The following UST variants were observed in gnomAD, a reference collection of about 807,000 sequenced individuals.
UST encodes the protein uronyl 2-sulfotransferase, also known as chondroitin sulfate 2-O-sulfotransferase.
In UST, 21 loss-of-function variants were observed where a neutral mutation model predicts 45.6. That is an observed-to-expected ratio of 0.46 (90% confidence interval 0.33 to 0.66). UST has a LOEUF of 0.66. Ranked by LOEUF, UST falls within the 30% of genes least tolerant of loss-of-function variation. UST has a pLI of 0.02. For missense variants in UST, 463 were observed against 512.4 expected (o/e 0.90, Z 0.93); for synonymous variants, 215 against 200.6 (o/e 1.07, Z -0.61).
intron 1 of UST, among the ~76,000 whole-genome samples, chr6:148,813,705 A>G (rs946081816): frequency 6.6e-6 from 1 of 152,218 alleles, no homozygotes; most frequent in East Asian, 1.9e-4. Flanking sequence ...TTGGCAAGAA[A>G]CTTGACCATT....
chr6:149,008,339 A>C (rs1282418044), intron 5 of UST, among the ~76,000 whole-genome samples: 1 of 152,120 alleles, frequency 6.6e-6, no homozygotes, highest in East Asian at 1.9e-4. Context: ...TTTCCTTTGC[A>C]TTGATTTTAT....
rs992486599 is a variant in UST, at chr6:148,797,225, T to C, written c.247+49548T>C. ...CCAGGAGTTCGAGGCTGCAGTCAGC[T>C]ATGATCACACCACTGCACCCTAGCC... On this transcript the variant is annotated intron_variant, in intron 1 of 7. Transcript: ENST00000367463. Among the ~76,000 whole-genome samples the C allele has an allele frequency of 3.3e-5, 5 of 152,234 alleles. No individual in the cohort carries two copies. In the East Asian group the frequency reaches 9.6e-4, roughly 29 times the overall value.
At chr6:148,853,228 CT>C (rs1244551286) in intron 1 of UST, among the ~76,000 whole-genome samples, 1 of 152,136 alleles carries the variant, frequency 6.6e-6, no homozygotes, top group Non-Finnish European at 1.5e-5. Context: ...GCCTGTGTTA[CT>C]TTGCTGAGGA....
chr6:148,774,930 A>C (rs1337829753), intron 1 of UST, among the ~76,000 whole-genome samples: 1 of 152,156 alleles, frequency 6.6e-6, no homozygotes, highest in Non-Finnish European at 1.5e-5. Context: ...GGGCAGGAGA[A>C]TCACTTGAAC....
chr6:148,941,470 G>A, intron 3 of UST, 36 bp downstream of exon 3: 1 of 1,561,626 alleles, frequency 6.4e-7, no homozygotes, highest in Non-Finnish European at 8.6e-7. Flanking sequence ...ATTGTGTTTT[G>A]CTTCAGCTCA....
chr6:148,841,097 T>C (rs182310600), intron 1 of UST, among the ~76,000 whole-genome samples: 87 of 150,358 alleles, frequency 5.8e-4, no homozygotes, highest in African/African-American at 1.8e-3. Context: ...ATGACTCTTA[T>C]TGATATTTTG....
chr6:149,034,855 TCTCTCTCTCTC>T (rs1776208082), intron 7 of UST, among the ~76,000 whole-genome samples: 7 of 115,726 alleles, frequency 6.0e-5, no homozygotes, highest in African/African-American at 3.1e-4. Context: ...TCTCTCTCTC[TCTCTCTCTCTC>T]TCTCTCTCTC....
At chr6:148,913,860 G>T (rs1014888047) in intron 2 of UST, among the ~76,000 whole-genome samples, 3 of 152,086 alleles carry the variant, frequency 2.0e-5, no homozygotes, top group African/African-American at 7.2e-5. Context: ...GAAAGTATAG[G>T]TTACAAAGCC....
chr6:148,747,773 G>GCGC lies in UST; in HGVS notation c.247+107_247+109dup. On this transcript the variant is annotated intron_variant, in intron 1 of 7. Coordinates refer to ENST00000367463, the MANE Select transcript of UST (RefSeq NM_005715.3). ...CGGGGACTTCTCGCGCTGCCACCGC[G>GCGC]CGCCGCCGCCGCCCCGGGTCTCTCC... The GCGC allele has an allele frequency of 2.8e-6, 4 of 1,414,662 alleles. No individual in the cohort carries two copies. In the South Asian group the frequency reaches 6.0e-5, roughly 21 times the overall value. The allele number at this position is 1,414,662 out of a possible 1,614,324, so 87.6% of individuals were successfully genotyped here.
rs145434873 is a variant in UST, at chr6:148,785,479, A to G, written c.247+37802A>G. Reference sequence around the variant, plus strand: ...AGGCAATGCAAATGAAAATTGCTTTATAAAGACTAAAGTGCTATATTAATT... The same window carrying G: ...AGGCAATGCAAATGAAAATTGCTTTGTAAAGACTAAAGTGCTATATTAATT... On this transcript the variant is annotated intron_variant, in intron 1 of 7. Coordinates refer to ENST00000367463, the MANE Select transcript of UST (RefSeq NM_005715.3). Among the ~76,000 whole-genome samples the G allele has an allele frequency of 1.6e-4, 25 of 152,350 alleles. No individual in the cohort carries two copies. In the East Asian group the frequency reaches 4.6e-3, roughly 28 times the overall value.
chr6:148,951,387 C>A (rs1283757185), intron 3 of UST, among the ~76,000 whole-genome samples: 1 of 152,190 alleles, frequency 6.6e-6, no homozygotes, highest in Non-Finnish European at 1.5e-5. Flanking sequence ...CCACTGTCTT[C>A]TTCATGTGTC....
intron 1 of UST, among the ~76,000 whole-genome samples, chr6:148,770,434 A>G (rs1776401838): frequency 6.6e-6 from 1 of 151,608 alleles, no homozygotes; most frequent in Non-Finnish European, 1.5e-5. Flanking sequence ...GCTGGCCAGA[A>G]ACCATGGTAG....
At chr6:149,057,538 C>G (rs1408367649) in intron 7 of UST, among the ~76,000 whole-genome samples, 1 of 152,096 alleles carries the variant, frequency 6.6e-6, no homozygotes, top group Non-Finnish European at 1.5e-5. Context: ...CTGCCATTGA[C>G]CTTAGGGAAA....
chr6:148,941,952 G>C (rs555031540), intron 3 of UST, among the ~76,000 whole-genome samples: 33 of 152,268 alleles, frequency 2.2e-4, no homozygotes, highest in Middle Eastern at 3.4e-3. Flanking sequence ...CCACTTCACA[G>C]GAACAATTTT....
At chr6:148,752,478 T>G (rs1776008413) in intron 1 of UST, among the ~76,000 whole-genome samples, 1 of 152,210 alleles carries the variant, frequency 6.6e-6, no homozygotes, top group African/African-American at 2.4e-5. Context: ...AGAGAAAGGA[T>G]AGAAAATGGA....
At chr6:148,893,950 T>G (rs1167722627) in intron 2 of UST, among the ~76,000 whole-genome samples, 1 of 151,948 alleles carries the variant, frequency 6.6e-6, no homozygotes, top group Admixed American at 6.6e-5. Flanking sequence ...CCCAGAGAGT[T>G]GGAGGTTACA....
At chr6:148,846,708 A>G (rs887180658) in intron 1 of UST, among the ~76,000 whole-genome samples, 2 of 152,236 alleles carry the variant, frequency 1.3e-5, no homozygotes, top group African/African-American at 2.4e-5. Flanking sequence ...TGCATCCACC[A>G]TGCTTAGCTC....
At chr6:149,053,774 G>A (rs1776523659) in intron 7 of UST, among the ~76,000 whole-genome samples, 2 of 152,146 alleles carry the variant, frequency 1.3e-5, no homozygotes, top group African/African-American at 2.4e-5. Flanking sequence ...AATACCTCAG[G>A]GAATGCACAG....
intron 1 of UST, among the ~76,000 whole-genome samples, chr6:148,782,473 CAG>C (rs1222275814): frequency 1.5e-4 from 22 of 148,410 alleles, no homozygotes; most frequent in African/African-American, 4.7e-4. Flanking sequence ...TTTTTTGAGA[CAG>C]AGTCTCGCTC....
Sources: allele counts gnomAD v4.1 joint callset (sites outside exome capture counted in the v4.1 genomes callset), GRCh38; gene constraint gnomAD v4.1.1; transcripts MANE v1.5; gene names NCBI Gene and HGNC (gene_info 2026-07-23, HGNC 2026-07-21).